The following SARS2 variants were observed in gnomAD, a reference collection of about 807,000 sequenced individuals.
The protein encoded by SARS2 is serine--tRNA ligase, mitochondrial.
A neutral mutation model predicts 66.8 loss-of-function variants in SARS2; 52 were observed. The ratio of observed to expected loss-of-function variants is 0.78; its 90% CI spans 0.62 to 0.98. The LOEUF (loss-of-function observed/expected upper bound fraction) is 0.98. SARS2 is among the 50% of genes least tolerant of loss of function. SARS2 has a pLI of 0.00. For missense variants in SARS2, 673 were observed against 706.3 expected (o/e 0.95, Z 0.53); for synonymous variants, 306 against 281.4 (o/e 1.09, Z -0.87).
In SARS2 at chr19:38,926,199, G is replaced by A; in HGVS notation, c.363+6C>T. The A allele has an allele frequency of 2.5e-6, 4 of 1,604,092 alleles. No homozygotes were observed. Among genetic ancestry groups the A allele is most frequent in the Non-Finnish European group, 1.7e-6 (2 of 1,178,724 alleles). On this transcript the variant is annotated splice_donor_region_variant and intron_variant, in intron 2 of 15. Transcript: ENST00000221431. ...ACTCCCCACCTACTCAGGGCACCAT[G>A]CTCACCAGCAGGGCCCGCACTGCCT...
At chr19:38,921,280 G>A (rs1974529585) in intron 5 of SARS2, 112 bp downstream of exon 5, 3 of 1,143,576 alleles carry the variant, frequency 2.6e-6, no homozygotes, top group Non-Finnish European at 3.9e-6. Flanking sequence ...TGTACCGCCA[G>A]GAGTTCTCCA....
At position 38,917,766 on chromosome 19, in the gene SARS2, G is replaced by A; in HGVS notation, c.1118C>T (p.Ser373Phe). ...QSSQLLEEFLSLQMEILTELG... is the reference protein window; with the variant it reads ...QSSQLLEEFLFLQMEILTELG... ...CTCTGTCAAGATCTCCATCTGAAGG[G>A]ACAGGAACTCCTCCAGCAGCTGTGA... Residue 373 changes from serine (S) to phenylalanine (F), a missense_variant, in exon 12 of 16, where the codon TCC becomes TTC. Ser to Phe is a radical substitution (Grantham distance 155). Coordinates refer to ENST00000221431, the MANE Select transcript of SARS2 (RefSeq NM_017827.4). The A allele has an allele frequency of 6.2e-7, 1 of 1,614,100 alleles. No homozygotes were observed.
At chr19:38,920,011 C>T in intron 6 of SARS2, 75 bp downstream of exon 6, 1 of 1,425,102 alleles carries the variant, frequency 7.0e-7, no homozygotes, top group Non-Finnish European at 9.7e-7. Context: ...CACGCTGAGG[C>T]CAATGAGGCA....
chr19:38,926,530 A>G (rs1188141914), intron 1 of SARS2, among the ~76,000 whole-genome samples: 1 of 152,186 alleles, frequency 6.6e-6, no homozygotes, highest in Non-Finnish European at 1.5e-5. Flanking sequence ...TCATAACTAT[A>G]ATCCCAGCAC....
At chr19:38,928,663 C>T (rs189668160) in intron 1 of SARS2, among the ~76,000 whole-genome samples, 134 of 152,228 alleles carry the variant, frequency 8.8e-4, no homozygotes, top group Non-Finnish European at 1.6e-3. Flanking sequence ...ATGGAATTTT[C>T]CATCCTACCT....
chr19:38,918,220 G>A, intron 9 of SARS2, 81 bp from the exon 10 acceptor site: 1 of 1,449,232 alleles, frequency 6.9e-7, no homozygotes, highest in Non-Finnish European at 9.5e-7. Context: ...CACTCCCTCT[G>A]GTGGATGCAA....
In SARS2 at chr19:38,919,826, C is replaced by T. The variant is rs762564479; in HGVS notation, c.695G>A (p.Arg232His). 15 of 1,614,020 alleles carry T rather than the reference C, an allele frequency of 9.3e-6. No individual in the cohort carries two copies. The highest frequency in any genetic ancestry group is 7.7e-5 in the South Asian group (7 of 91,090). Residue 232 changes from arginine (R) to histidine (H), a missense_variant, in exon 7 of 16, where the codon CGC becomes CAC. Coordinates refer to ENST00000221431, the MANE Select transcript of SARS2 (RefSeq NM_017827.4). ...HVSGHRSYYL[R>H]GAGALLQHGL... ...GTGCTGCAGGAGGGCTCCAGCCCCG[C>T]GCAGGTAATAGGACCGGTGGCCAGA...
intron 1 of SARS2, 33 bp downstream of exon 1, chr19:38,930,437 T>A: frequency 6.3e-7 from 1 of 1,575,682 alleles, no homozygotes; most frequent in Middle Eastern, 1.7e-4. Flanking sequence ...AAAGCAAACG[T>A]CTGCGCCCCC....
rs1049966234 is a variant in SARS2 at position 38,929,583 on chromosome 19, T to C, written c.267+887A>G. 2.9e-5 allele frequency among the ~76,000 whole-genome samples: 4 copies of C among 136,182 alleles called. No homozygotes were observed. In the East Asian group the frequency reaches 8.3e-4, roughly 28 times the overall value. 89.3% of individuals were successfully genotyped at this position (136,182 alleles called of 152,430 possible). A position where few individuals can be genotyped will look rare whatever the true frequency, so the allele number is the denominator to read the frequency against. Reference sequence around the variant, plus strand: ...ATCTCAAAAAAAAAAAAAAAAAAAGTGGATTCTAGGCCAGAAAGCACAGGT... The same window carrying C: ...ATCTCAAAAAAAAAAAAAAAAAAAGCGGATTCTAGGCCAGAAAGCACAGGT... On this transcript the variant is annotated intron_variant, in intron 1 of 15. Coordinates refer to ENST00000221431, the MANE Select transcript of SARS2 (RefSeq NM_017827.4).
Position 38,920,950 on chromosome 19 carries a change from C to G in SARS2, c.589+442G>C, listed in dbSNP as rs111212157. The stretch of plus-strand genomic sequence containing the variant: ...AGACACACACATAGACACACACACA[C>G]AGACACAGACACAGATACAGACACA... On this transcript the variant is annotated intron_variant, in intron 5 of 15. Transcript: ENST00000221431. 1.2e-3 allele frequency among the ~76,000 whole-genome samples: 91 copies of G among 78,664 alleles called. 1 individual carries two copies. The highest frequency in any genetic ancestry group is 2.0e-3 in the Non-Finnish European group (63 of 32,210). The allele number at this position is 78,664 out of a possible 152,430, so 51.6% of individuals were successfully genotyped here.
intron 1 of SARS2, among the ~76,000 whole-genome samples, chr19:38,927,122 G>C (rs910708508): frequency 2.0e-5 from 3 of 151,710 alleles, no homozygotes; most frequent in Admixed American, 6.6e-5. Flanking sequence ...TTTTTTAATA[G>C]AGGCAGGGTT....
chr19:38,918,940 G>C (rs912159975), intron 7 of SARS2, 127 bp from the exon 8 acceptor site: 3 of 903,802 alleles, frequency 3.3e-6, no homozygotes, highest in Non-Finnish European at 5.2e-6. Context: ...CTGGCGCAGT[G>C]GCTCACCCAT....
rs753964044 is a variant in SARS2 at position 38,918,074 on chromosome 19, C to T, written c.962+20G>A. The T allele has an allele frequency of 3.7e-6, 6 of 1,605,674 alleles. No homozygotes were observed. The highest frequency in any genetic ancestry group is 1.7e-6 in the Non-Finnish European group (2 of 1,176,312). Reference sequence around the variant, plus strand: ...TGATTGTCACAGGTGGGGTCAAGGTCTAAGGAAACCAGGTGTCACCTGACT... The same window carrying T: ...TGATTGTCACAGGTGGGGTCAAGGTTTAAGGAAACCAGGTGTCACCTGACT... On this transcript the variant is annotated intron_variant, in intron 10 of 15. Transcript: ENST00000221431.
chr19:38,922,767 G>A (rs960231568), intron 2 of SARS2, among the ~76,000 whole-genome samples: 1 of 152,134 alleles, frequency 6.6e-6, no homozygotes, highest in African/African-American at 2.4e-5. Flanking sequence ...CCCTGTGGCT[G>A]TCTCCAGCCA....
chr19:38,918,910 A>C, intron 7 of SARS2, 97 bp from the exon 8 acceptor site: 1 of 1,260,866 alleles, frequency 7.9e-7, no homozygotes, highest in Non-Finnish European at 1.1e-6. Context: ...CTTCCTCCTC[A>C]GACGAAACTG....
intron 3 of SARS2, 154 bp downstream of exon 3, chr19:38,922,084 G>A: frequency 6.3e-7 from 1 of 1,594,798 alleles, no homozygotes; most frequent in African/African-American, 1.3e-5. Context: ...CGCACCTGAA[G>A]CCAGTTTTAG....
chr19:38,917,563 C>T (rs1418766028), intron 12 of SARS2, among the ~76,000 whole-genome samples, 161 bp downstream of exon 12: 1 of 152,208 alleles, frequency 6.6e-6, no homozygotes, highest in African/African-American at 2.4e-5. Flanking sequence ...ACACGGCAGA[C>T]AGATTGGGAT....
chr19:38,915,783 T>C, intron 15 of SARS2, 34 bp from the exon 16 acceptor site: 1 of 1,612,644 alleles, frequency 6.2e-7, no homozygotes, highest in Non-Finnish European at 8.5e-7. Flanking sequence ...ACACTGCAGA[T>C]GCCCCAGCCC....
intron 6 of SARS2, 73 bp from the exon 7 acceptor site, chr19:38,919,940 G>C (rs1974488895): frequency 1.4e-6 from 2 of 1,439,000 alleles, no homozygotes; most frequent in Non-Finnish European, 1.9e-6. Flanking sequence ...AACACCCGGG[G>C]GAAGAGGCCC....
Sources: allele counts gnomAD v4.1 joint callset (sites outside exome capture counted in the v4.1 genomes callset), GRCh38; gene constraint gnomAD v4.1.1; transcripts MANE v1.5; gene names NCBI Gene and HGNC (gene_info 2026-07-23, HGNC 2026-07-21).